Variants in KIAA0513 observed in about 807,000 individuals in gnomAD.
The protein encoded by KIAA0513 is KIAA0513, also known as uncharacterized protein KIAA0513.
In KIAA0513, 39 loss-of-function variants were observed where a neutral mutation model predicts 56.5. The ratio of observed to expected loss-of-function variants is 0.69; its 90% CI spans 0.53 to 0.90. KIAA0513 has a LOEUF of 0.90. KIAA0513 is among the 40% of genes least tolerant of loss of function. The pLI is 0.00. For missense variants in KIAA0513, 591 were observed against 535.2 expected (o/e 1.10, Z -1.03); for synonymous variants, 268 against 215.6 (o/e 1.24, Z -2.13).
chr16:85,066,771 G>A (rs1310269894), intron 1 of KIAA0513, 129 bp from the exon 2 acceptor site: 1 of 361,340 alleles, frequency 2.8e-6, no homozygotes. Flanking sequence ...GCGGACAGTA[G>A]GAAGATGATA....
chr16:85,066,460 AAGG>A (rs2073482815), intron 1 of KIAA0513, among the ~76,000 whole-genome samples: 1 of 152,178 alleles, frequency 6.6e-6, no homozygotes, highest in Admixed American at 6.5e-5. Flanking sequence ...AGAGCCCAGG[AAGG>A]AGGAGGTCAG....
rs181504423 is a variant in KIAA0513, at chr16:85,081,462, C to T, written c.980+70C>T. The T allele has an allele frequency of 7.9e-4, 1,074 of 1,359,488 alleles. 5 individuals carry two copies. In the African/African-American group the frequency reaches 0.014, roughly 18 times the overall value. 84.2% of individuals were successfully genotyped at this position (1,359,488 alleles called of 1,614,324 possible). ...AGGGAGTGGCTTTATTTCCCGGTTTCGGAAGAGGAGAGCAGAAGAGCAGCT... is the reference window on the plus strand; with the variant it reads ...AGGGAGTGGCTTTATTTCCCGGTTTTGGAAGAGGAGAGCAGAAGAGCAGCT... On this transcript the variant is annotated intron_variant, in intron 9 of 12. Coordinates refer to ENST00000683363, the MANE Select transcript of KIAA0513 (RefSeq NM_001388359.1). This position sits in a 1 kb window ranked among gnomAD's most constrained non-coding sequence, Gnocchi z 4.4.
intron 4 of KIAA0513, 82 bp from the exon 5 acceptor site, chr16:85,075,762 A>G (rs1345215360): frequency 7.7e-6 from 9 of 1,174,450 alleles, no homozygotes; most frequent in Admixed American, 3.4e-5. Flanking sequence ...GCATGTGTCA[A>G]GTGTCTCAGT....
intron 1 of KIAA0513, among the ~76,000 whole-genome samples, chr16:85,046,291 C>T (rs966872509): frequency 3.9e-5 from 6 of 152,352 alleles, no homozygotes; most frequent in Non-Finnish European, 5.9e-5. Context: ...TAAAAACAAA[C>T]ATCTTACCTA....
Position 85,074,339 on chromosome 16 carries a change from CACAT to C in KIAA0513, c.503+1345_503+1348del, listed in dbSNP as rs1185489435. On this transcript the variant is annotated intron_variant, in intron 4 of 12. Transcript: ENST00000683363. Reference sequence around the variant, plus strand: ...ACACACACACACACGTATATATACACACATACACACACACACACACACACATATA... The same window carrying C: ...ACACACACACACACGTATATATACACACACACACACACACACACACATATA... 1.9e-3 allele frequency among the ~76,000 whole-genome samples: 244 copies of C among 129,632 alleles called. 2 individuals carry two copies. The highest frequency in any genetic ancestry group is 7.2e-3 in the African/African-American group (240 of 33,510). 85.0% of individuals were successfully genotyped at this position (129,632 alleles called of 152,430 possible).
intron 1 of KIAA0513, among the ~76,000 whole-genome samples, chr16:85,064,401 TTG>T (rs2073449924): frequency 1.3e-5 from 2 of 152,206 alleles, no homozygotes; most frequent in African/African-American, 4.8e-5. Flanking sequence ...ATGTAAGTTT[TTG>T]TGTGTTTTGA....
In KIAA0513 at chr16:85,047,026, T is replaced by TA. The variant is rs2073180877; in HGVS notation, c.-173+19169dup. On this transcript the variant is annotated intron_variant, in intron 1 of 12. Transcript: ENST00000683363. ...GATTGGTCCTGAACATTCTGAATAT[T>TA]ACGTTAGGAAGCTGTGGTTCCTGAT... Among the ~76,000 whole-genome samples, 23 of 152,364 alleles carry TA rather than the reference T, an allele frequency of 1.5e-4. 1 individual carries two copies. In the South Asian group the frequency reaches 4.8e-3, roughly 32 times the overall value.
intron 6 of KIAA0513, 41 bp from the exon 7 acceptor site, chr16:85,078,374 T>A (rs771680377): frequency 1.3e-5 from 21 of 1,611,056 alleles, no homozygotes; most frequent in Non-Finnish European, 1.8e-5. Context: ...GAAAGTGTGG[T>A]GTGAGTCGCG....
rs1056436575 is a variant in KIAA0513 at position 85,087,233 on chromosome 16, G to A, written c.1186+67G>A. On this transcript the variant is annotated intron_variant, in intron 12 of 12. Coordinates refer to ENST00000683363, the MANE Select transcript of KIAA0513 (RefSeq NM_001388359.1). Reference sequence around the variant, plus strand: ...GGGGTCAGGAGCCAGTGCTGTGCCCGCTGGCGCTTCTGCACTGCCAGAAGG... The same window carrying A: ...GGGGTCAGGAGCCAGTGCTGTGCCCACTGGCGCTTCTGCACTGCCAGAAGG... 1.0e-5 allele frequency: 13 copies of A among 1,302,392 alleles called. No individual in the cohort carries two copies. In the African/African-American group the frequency reaches 1.3e-4, roughly 13 times the overall value. The allele number at this position is 1,302,392 out of a possible 1,614,324, so 80.7% of individuals were successfully genotyped here.
intron 1 of KIAA0513, among the ~76,000 whole-genome samples, chr16:85,049,792 G>A (rs11149707): frequency 5.3e-5 from 8 of 151,958 alleles, no homozygotes; most frequent in South Asian, 2.1e-4. Flanking sequence ...CGGGTATTTC[G>A]TTATAGCAGT....
intron 12 of KIAA0513, among the ~76,000 whole-genome samples, 173 bp downstream of exon 12, chr16:85,087,339 C>T (rs1206058061): frequency 1.3e-5 from 2 of 152,202 alleles, no homozygotes; most frequent in African/African-American, 2.4e-5. Context: ...TATAGACAGA[C>T]GCACAGGACA....
intron 1 of KIAA0513, among the ~76,000 whole-genome samples, chr16:85,048,618 C>G (rs1366925260): frequency 6.6e-6 from 1 of 152,144 alleles, no homozygotes; most frequent in Non-Finnish European, 1.5e-5. Flanking sequence ...GTGGCTCACC[C>G]CTGTAATCCC....
chr16:85,065,822 A>G (rs1323695719), intron 1 of KIAA0513, among the ~76,000 whole-genome samples: 1 of 152,140 alleles, frequency 6.6e-6, no homozygotes, highest in African/African-American at 2.4e-5. Flanking sequence ...GTTCCCCAGT[A>G]CCTTCTAAAC....
At chr16:85,038,707 CAAA>C (rs769470751) in intron 1 of KIAA0513, among the ~76,000 whole-genome samples, 2 of 71,258 alleles carry the variant, frequency 2.8e-5, no homozygotes, top group African/African-American at 5.7e-5. Flanking sequence ...GACTCAGCCT[CAAA>C]AAAAAAAAAA....
intron 10 of KIAA0513, 63 bp from the exon 11 acceptor site, chr16:85,086,581 C>A (rs1187083670): frequency 6.7e-7 from 1 of 1,503,708 alleles, no homozygotes; most frequent in East Asian, 2.4e-5. Context: ...CAGAACAGGG[C>A]GAGGAGCTGG....
chr16:85,077,656 C>T (rs1027059396), intron 6 of KIAA0513, 24 bp downstream of exon 6: 17 of 1,561,520 alleles, frequency 1.1e-5, no homozygotes, highest in Admixed American at 1.8e-5. Flanking sequence ...TGGGGTCCCT[C>T]CCACCTGCAG....
chr16:85,043,546 G>A (rs1170573051), intron 1 of KIAA0513, among the ~76,000 whole-genome samples: 2 of 151,778 alleles, frequency 1.3e-5, no homozygotes, highest in African/African-American at 4.8e-5. Context: ...TGAGTAGCTG[G>A]GACTACAGGC....
At chr16:85,039,197 A>G (rs2073074283) in intron 1 of KIAA0513, among the ~76,000 whole-genome samples, 1 of 152,242 alleles carries the variant, frequency 6.6e-6, no homozygotes, top group Non-Finnish European at 1.5e-5. Context: ...AGTCAGTGCC[A>G]TTGGAAGCCT....
At chr16:85,035,222 T>C (rs2073019293) in intron 1 of KIAA0513, among the ~76,000 whole-genome samples, 2 of 152,188 alleles carry the variant, frequency 1.3e-5, no homozygotes, top group African/African-American at 4.8e-5. Context: ...TCGCTGCCTG[T>C]TCCTCTCTGA....
Sources: gnomAD v4.1 joint callset for allele counts (sites outside exome capture counted in the v4.1 genomes callset) on GRCh38, gnomAD v4.1.1 for gene constraint, Gnocchi (gnomAD v3.1) non-coding constraint, MANE v1.5 for transcripts, NCBI Gene and HGNC (gene_info 2026-07-23, HGNC 2026-07-21) for gene names.